The following ECT2L variants were observed in gnomAD, a reference collection of about 807,000 sequenced individuals.
ECT2L encodes the protein epithelial cell-transforming sequence 2 oncogene-like.
Under a neutral mutation model 122.8 loss-of-function variants are expected in ECT2L, and 126 were observed. The ratio of observed to expected loss-of-function variants is 1.03; its 90% CI spans 0.89 to 1.19. The LOEUF (loss-of-function observed/expected upper bound fraction) is 1.19. Among genes scored for constraint, ECT2L ranks in the 50% most tolerant of loss-of-function variants. The pLI is 0.00. For missense variants in ECT2L, 1,012 were observed against 1,064.1 expected, an observed-to-expected ratio of 0.95 and a Z score of 0.68; for synonymous variants, 385 against 381.8, an observed-to-expected ratio of 1.01 and a Z score of -0.10.
At chr6:138,847,620 G>T (rs529620902) in intron 8 of ECT2L, among the ~76,000 whole-genome samples, 1 of 147,238 alleles carries the variant, frequency 6.8e-6, no homozygotes, top group Non-Finnish European at 1.5e-5. Flanking sequence ...CTCGTGATCC[G>T]CCTGCCTTGG....
chr6:138,865,476 G>A (rs1778003004), intron 12 of ECT2L, among the ~76,000 whole-genome samples: 1 of 152,164 alleles, frequency 6.6e-6, no homozygotes, highest in Non-Finnish European at 1.5e-5. Flanking sequence ...CCAGAGAGCT[G>A]TGCACTTTTC....
intron 4 of ECT2L, among the ~76,000 whole-genome samples, chr6:138,837,970 G>A (rs757691640): frequency 4.6e-5 from 7 of 150,898 alleles, no homozygotes; most frequent in South Asian, 2.1e-4. Flanking sequence ...GCACGGTCTC[G>A]GCTCACTGCA....
At chr6:138,867,086 A>C (rs1778069177) in intron 12 of ECT2L, among the ~76,000 whole-genome samples, 1 of 151,628 alleles carries the variant, frequency 6.6e-6, no homozygotes, top group Non-Finnish European at 1.5e-5. Flanking sequence ...AAAAAACAAA[A>C]AAACAAAAAA....
intron 20 of ECT2L, among the ~76,000 whole-genome samples, chr6:138,893,411 A>T (rs946542213): frequency 4.4e-4 from 66 of 149,792 alleles, no homozygotes; most frequent in East Asian, 3.9e-4. Flanking sequence ...GAATATATAT[A>T]TATTTTTTTA....
rs1445543942 is a variant in ECT2L at position 138,900,868 on chromosome 6, T to C, written c.2415-80T>C. 6.2e-6 allele frequency: 9 copies of C among 1,446,666 alleles called. No homozygotes were observed. The African/African-American group carries it at 1.3e-4, about 21-fold the overall frequency. The allele number at this position is 1,446,666 out of a possible 1,614,324, so 89.6% of individuals were successfully genotyped here. ...GGGGTAAAAGCCTTGACTAGTGACT[T>C]ATCAATTTCAAGATGCTTAACTATG... On this transcript the variant is annotated intron_variant, in intron 20 of 21. Transcript: ENST00000541398.
intron 20 of ECT2L, among the ~76,000 whole-genome samples, chr6:138,892,838 G>C (rs892696802): frequency 6.6e-6 from 1 of 152,156 alleles, no homozygotes. Flanking sequence ...CGATGTGTCA[G>C]GTAAAAGGAA....
intron 4 of ECT2L, among the ~76,000 whole-genome samples, chr6:138,821,567 T>C (rs1052147262): frequency 6.6e-6 from 1 of 152,250 alleles, no homozygotes; most frequent in Non-Finnish European, 1.5e-5. Flanking sequence ...TTTTCAGAGC[T>C]GTGGTGTCAG....
intron 10 of ECT2L, among the ~76,000 whole-genome samples, chr6:138,859,770 AT>A (rs1003759877): frequency 6.7e-6 from 1 of 149,404 alleles, no homozygotes; most frequent in South Asian, 2.1e-4. Flanking sequence ...TGTAGAAAAT[AT>A]TTTTTCCTTC....
At chr6:138,836,817 A>G (rs1776857975) in intron 4 of ECT2L, among the ~76,000 whole-genome samples, 2 of 152,056 alleles carry the variant, frequency 1.3e-5, no homozygotes, top group Non-Finnish European at 2.9e-5. Context: ...ATTATTCCAT[A>G]TTTTGCCAGT....
In ECT2L at chr6:138,862,693, G is replaced by A. The variant is rs756100667; in HGVS notation, c.1265G>A (p.Gly422Glu). ...LTGTFFTAPT[G>E]IATGSYQHIL... ...GGCACGTTCTTTACGGCCCCCACTG[G>A]GATTGCAACTGGCTCTTACCAGCAC... The change falls in exon 11 of 22, where the codon GGG becomes GAG. Residue 422 changes from glycine to glutamate, a missense_variant. Transcript: ENST00000541398. The A allele has an allele frequency of 6.8e-6, 11 of 1,614,026 alleles. No individual in the cohort carries two copies. The Admixed American group carries it at 1.8e-4, about 27-fold the overall frequency.
intron 12 of ECT2L, 84 bp from the exon 13 acceptor site, chr6:138,868,019 A>AAAAAT: frequency 1.2e-6 from 1 of 833,678 alleles, no homozygotes; most frequent in Non-Finnish European, 1.8e-6. Context: ...AAAAAAAAAA[A>AAAAAT]GAAACTGTGA....
At chr6:138,865,257 G>C in intron 12 of ECT2L, 79 bp downstream of exon 12, 1 of 1,387,414 alleles carries the variant, frequency 7.2e-7, no homozygotes, top group South Asian at 1.7e-5. Flanking sequence ...GTTTAGTTAT[G>C]GCGCAAGTAA....
chr6:138,874,439 T>C (rs1778370656), intron 13 of ECT2L, among the ~76,000 whole-genome samples: 1 of 152,194 alleles, frequency 6.6e-6, no homozygotes, highest in African/African-American at 2.4e-5. Context: ...TGAGTGAACT[T>C]GCCAATTTTA....
At position 138,900,998 on chromosome 6, in the gene ECT2L, T is replaced by TG; in HGVS notation, c.2466dup (p.Leu823AlafsTer4). ...AGCCTTTTCCTCTTCAATGATGCCC[T>TG]GCTCGTTTCTAGTCGGGGCACATCT... On this transcript the variant is annotated frameshift_variant, in exon 21 of 22. Coordinates refer to ENST00000541398, the MANE Select transcript of ECT2L (RefSeq NM_001077706.3). LOFTEE classifies it high-confidence loss of function. 1 of 1,614,220 alleles carries TG rather than the reference T, an allele frequency of 6.2e-7. No homozygotes were observed. The highest frequency in any genetic ancestry group is 8.5e-7 in the Non-Finnish European group (1 of 1,180,032).
chr6:138,880,756 G>A (rs2128406929), intron 14 of ECT2L, among the ~76,000 whole-genome samples: 1 of 152,224 alleles, frequency 6.6e-6, no homozygotes, highest in East Asian at 1.9e-4. Flanking sequence ...TCTCTACTTG[G>A]CCATCAGGCT....
chr6:138,810,252 A>G (rs1452079699), intron 1 of ECT2L, among the ~76,000 whole-genome samples: 1 of 152,216 alleles, frequency 6.6e-6, no homozygotes, highest in Non-Finnish European at 1.5e-5. Flanking sequence ...TTCAACTAGT[A>G]AAGAAAAAAC....
At chr6:138,865,246 A>T (rs961298757) in intron 12 of ECT2L, 68 bp downstream of exon 12, 8 of 1,452,706 alleles carry the variant, frequency 5.5e-6, no homozygotes, top group Non-Finnish European at 7.4e-6. Context: ...AGTAAATACA[A>T]GTTTAGTTAT....
chr6:138,865,410 CT>C (rs1778001492), intron 12 of ECT2L, among the ~76,000 whole-genome samples: 1 of 152,126 alleles, frequency 6.6e-6, no homozygotes, highest in Non-Finnish European at 1.5e-5. Flanking sequence ...ATTTTACCAC[CT>C]TATTAATTCT....
chr6:138,869,638 A>T (rs80099812), intron 13 of ECT2L, among the ~76,000 whole-genome samples: 2,289 of 152,246 alleles, frequency 0.015, 40 homozygotes, highest in African/African-American at 0.048. Flanking sequence ...CTGAAGGATT[A>T]CTCAGCATGC....
Sources: gnomAD v4.1 joint callset for allele counts (sites outside exome capture counted in the v4.1 genomes callset) on GRCh38, gnomAD v4.1.1 for gene constraint, MANE v1.5 for transcripts, NCBI Gene and HGNC (gene_info 2026-07-23, HGNC 2026-07-21) for gene names.